Variants in MINDY4 observed in about 807,000 individuals in gnomAD.
The protein encoded by MINDY4 is probable ubiquitin carboxyl-terminal hydrolase MINDY-4.
Under a neutral mutation model 87.0 loss-of-function variants are expected in MINDY4, and 68 were observed. The ratio of observed to expected loss-of-function variants is 0.78; its 90% CI spans 0.64 to 0.96. The LOEUF (loss-of-function observed/expected upper bound fraction) is 0.96, where lower values mean the gene tolerates loss of function less well. MINDY4 is among the 40% of genes least tolerant of loss of function. The pLI, the probability that MINDY4 is intolerant of heterozygous loss-of-function variation, is 0.00. For synonymous variants in MINDY4, 379 were observed against 363.2 expected, an observed-to-expected ratio of 1.04 and a Z score of -0.50; for missense variants, 919 against 928.2, an observed-to-expected ratio of 0.99 and a Z score of 0.13.
chr7:30,859,218 G>A (rs1789674857), intron 12 of MINDY4, 39 bp from the exon 13 acceptor site: 1 of 1,590,008 alleles, frequency 6.3e-7, no homozygotes, highest in Admixed American at 1.7e-5. Context: ...AGAGGGAGGT[G>A]CAAATGGGAT....
intron 5 of MINDY4, among the ~76,000 whole-genome samples, chr7:30,821,105 A>G (rs1183585276): frequency 1.3e-5 from 2 of 152,166 alleles, no homozygotes; most frequent in East Asian, 1.9e-4. Context: ...TTTAACTCTG[A>G]TGATTGTTTC....
chr7:30,792,952 A>G (rs190819245), intron 5 of MINDY4, among the ~76,000 whole-genome samples: 158 of 151,274 alleles, frequency 1.0e-3, no homozygotes, highest in African/African-American at 3.6e-3. Flanking sequence ...TAAAGCTGCA[A>G]ATTTCTCTGT....
intron 13 of MINDY4, among the ~76,000 whole-genome samples, chr7:30,869,175 G>C (rs1183236935): frequency 6.6e-6 from 1 of 152,196 alleles, no homozygotes; most frequent in Non-Finnish European, 1.5e-5. Flanking sequence ...AGGAGGACAT[G>C]GAGGAGACAG....
At chr7:30,815,171 T>C (rs1309894936) in intron 5 of MINDY4, among the ~76,000 whole-genome samples, 2 of 152,240 alleles carry the variant, frequency 1.3e-5, no homozygotes, top group Non-Finnish European at 2.9e-5. Context: ...CTGTGGAAAC[T>C]GGCAGCAACT....
chr7:30,788,475 A>G (rs1787222931), intron 4 of MINDY4, among the ~76,000 whole-genome samples: 1 of 152,236 alleles, frequency 6.6e-6, no homozygotes, highest in South Asian at 2.1e-4. Context: ...AAAGAAAATC[A>G]CACCAAAAAA....
Position 30,778,567 on chromosome 7 carries a change from G to A in MINDY4, c.183+16G>A, listed in dbSNP as rs372698074. The A allele has an allele frequency of 1.3e-5, 21 of 1,613,916 alleles. No individual in the cohort carries two copies. The South Asian group carries it at 2.0e-4, about 15-fold the overall frequency. On this transcript the variant is annotated intron_variant, in intron 2 of 17. Transcript: ENST00000265299. ...GGAGAACAAGGTATGTGCTTTCTAA[G>A]GTGTGGTGTGGAGTCTTGGAACTGA... is the stretch of plus-strand genomic sequence containing the variant.
intron 13 of MINDY4, among the ~76,000 whole-genome samples, chr7:30,870,201 A>G (rs1329976425): frequency 6.6e-6 from 1 of 152,146 alleles, no homozygotes. Flanking sequence ...CAGCTGACGC[A>G]GGCTCTCGAG....
At chr7:30,870,124 C>T (rs1370001200) in intron 13 of MINDY4, among the ~76,000 whole-genome samples, 2 of 152,200 alleles carry the variant, frequency 1.3e-5, no homozygotes, top group African/African-American at 2.4e-5. Context: ...AATTTCCCAT[C>T]GTGTTTGCAC....
chr7:30,771,441 G>A lies in MINDY4; in HGVS notation c.-53G>A, dbSNP rs28367465. The A allele has an allele frequency of 5.1e-6, 8 of 1,567,994 alleles. No individual in the cohort carries two copies. The highest frequency in any genetic ancestry group is 1.9e-4 in the Middle Eastern group (1 of 5,226). On this transcript the variant is annotated 5_prime_UTR_variant, in exon 1 of 18. Coordinates refer to ENST00000265299, the MANE Select transcript of MINDY4 (RefSeq NM_032222.3). ...CATACTGCGCCGGACAGACCCAGTT[G>A]CCTGGTGCTGCGGCCCGGCGTGGGC...
intron 5 of MINDY4, 141 bp from the exon 6 acceptor site, chr7:30,828,538 G>A: frequency 1.3e-6 from 1 of 764,834 alleles, no homozygotes; most frequent in Non-Finnish European, 2.2e-6. Flanking sequence ...GAGAGGGGGA[G>A]TATTCAAGGC....
At chr7:30,835,963 C>G (rs1360488329) in intron 6 of MINDY4, among the ~76,000 whole-genome samples, 1 of 152,208 alleles carries the variant, frequency 6.6e-6, no homozygotes, top group Non-Finnish European at 1.5e-5. Context: ...CTTACGGTCC[C>G]TGCTGGAGGT....
chr7:30,858,895 C>G (rs1789661297), intron 12 of MINDY4: 1 of 463,988 alleles, frequency 2.2e-6, no homozygotes, highest in African/African-American at 2.0e-5. Context: ...GGGCAGTAAT[C>G]ATAGTACTGT....
intron 13 of MINDY4, among the ~76,000 whole-genome samples, chr7:30,870,055 C>T (rs150098444): frequency 2.4e-3 from 363 of 152,306 alleles, no homozygotes; most frequent in African/African-American, 8.1e-3. Flanking sequence ...CTCTCTCTCT[C>T]GAATGCCCTG....
At chr7:30,845,518 TA>T (rs78323541) in intron 9 of MINDY4, among the ~76,000 whole-genome samples, 13,463 of 129,852 alleles carry the variant, frequency 0.1, 775 homozygotes, top group Middle Eastern at 0.16. Flanking sequence ...TGATCCAGCT[TA>T]AAAAAAAAAA....
At chr7:30,838,773 G>A (rs76503667) in intron 7 of MINDY4, among the ~76,000 whole-genome samples, 5,734 of 152,158 alleles carry the variant, frequency 0.038, 161 homozygotes, top group East Asian at 0.11. Context: ...TTAATTGGCT[G>A]GTGTGTTTTC....
At chr7:30,879,039 A>G (rs764706799) in intron 15 of MINDY4, among the ~76,000 whole-genome samples, 3 of 152,200 alleles carry the variant, frequency 2.0e-5, no homozygotes, top group Non-Finnish European at 4.4e-5. Flanking sequence ...TATACACACA[A>G]TCATATCATT....
chr7:30,847,718 T>G (rs1032164346), intron 9 of MINDY4, among the ~76,000 whole-genome samples: 13 of 150,944 alleles, frequency 8.6e-5, no homozygotes, highest in South Asian at 2.1e-4. Context: ...GTGTGTGTGT[T>G]TTTTGTTGTT....
At chr7:30,861,189 C>T (rs191203650) in intron 13 of MINDY4, among the ~76,000 whole-genome samples, 26 of 152,324 alleles carry the variant, frequency 1.7e-4, no homozygotes, top group Admixed American at 1.3e-3. Flanking sequence ...CTATGGTGTT[C>T]GGGCCAGGCA....
chr7:30,887,222 G>A (rs1790658400), intron 17 of MINDY4, among the ~76,000 whole-genome samples: 4 of 152,076 alleles, frequency 2.6e-5, no homozygotes, highest in African/African-American at 7.2e-5. Flanking sequence ...CCCACCCATC[G>A]GAGGAGCATT....
Sources: allele counts gnomAD v4.1 joint callset (sites outside exome capture counted in the v4.1 genomes callset), GRCh38; gene constraint gnomAD v4.1.1; transcripts MANE v1.5; gene names NCBI Gene and HGNC (gene_info 2026-07-23, HGNC 2026-07-21).